FGL1: variants seen among roughly 807,000 people sequenced by gnomAD.
The protein encoded by FGL1 is fibrinogen-like protein 1.
In FGL1, 59 loss-of-function variants were observed where a neutral mutation model predicts 43.7. The ratio of observed to expected loss-of-function variants is 1.35; its 90% CI spans 1.10 to 1.68. The LOEUF is 1.68. FGL1 is among the 40% of genes most tolerant of loss of function. The pLI, the probability that FGL1 is intolerant of heterozygous loss-of-function variation, is 0.00. For synonymous variants in FGL1, 192 were observed against 126.5 expected, an observed-to-expected ratio of 1.52 and a Z score of -3.48; for missense variants, 596 against 373.0, an observed-to-expected ratio of 1.60 and a Z score of -4.92.
chr8:17,871,456 GC>G (rs1168140664), intron 5 of FGL1, among the ~76,000 whole-genome samples: 1 of 143,518 alleles, frequency 7.0e-6, no homozygotes, highest in African/African-American at 2.6e-5. Flanking sequence ...CTGTGCCACT[GC>G]ACTCCAGCTT....
At chr8:17,883,463 A>C (rs1374073968) in intron 2 of FGL1, among the ~76,000 whole-genome samples, 1 of 126,456 alleles carries the variant, frequency 7.9e-6, no homozygotes, top group African/African-American at 3.1e-5. Flanking sequence ...GATATTATAT[A>C]ATATATAAAT....
chr8:17,883,053 A>G (rs1490789818), intron 2 of FGL1, among the ~76,000 whole-genome samples: 1 of 92,482 alleles, frequency 1.1e-5, no homozygotes, highest in Non-Finnish European at 1.7e-5. Context: ...TATATAATAT[A>G]TATCATATGT....
rs34823511 is a variant in FGL1, at chr8:17,894,919, A to G, written c.-18+528T>C. On this transcript the variant is annotated intron_variant, in intron 1 of 7. Transcript: ENST00000427924. The stretch of plus-strand genomic sequence containing the variant: ...TGTATATATTATAGATTATATATAC[A>G]TTATATAAGGTATATAAATATTGCT... Among the ~76,000 whole-genome samples, 5 of 146,364 alleles carry G rather than the reference A, an allele frequency of 3.4e-5. 1 individual carries two copies. The highest frequency in any genetic ancestry group is 1.9e-4 in the East Asian group (1 of 5,150).
Position 17,864,489 on chromosome 8 carries a change from C to T in FGL1, c.*103G>A. The T allele has an allele frequency of 7.8e-7, 1 of 1,286,286 alleles. No homozygotes were observed. The highest frequency in any genetic ancestry group is 2.5e-5 in the East Asian group (1 of 39,958). The allele number at this position is 1,286,286 out of a possible 1,614,324, so 79.7% of individuals were successfully genotyped here. On this transcript the variant is annotated 3_prime_UTR_variant, in exon 8 of 8. Coordinates refer to ENST00000427924, the MANE Select transcript of FGL1 (RefSeq NM_004467.4). ...AGTGAGAAGAATGAAAAGCACTACT[C>T]ACAACAGTTATCATGATTGCGCATG...
chr8:17,877,880 G>C (rs534746483), intron 3 of FGL1, among the ~76,000 whole-genome samples: 6 of 152,146 alleles, frequency 3.9e-5, no homozygotes, highest in Non-Finnish European at 8.8e-5. Context: ...TTGAAAACAA[G>C]GCTATAATAA....
intron 7 of FGL1, among the ~76,000 whole-genome samples, chr8:17,865,691 T>A (rs993833795): frequency 2.6e-5 from 4 of 152,234 alleles, no homozygotes; most frequent in African/African-American, 9.6e-5. Flanking sequence ...GCAATAAGTT[T>A]ATGTGTGTTG....
chr8:17,878,704 T>C (rs948619984), intron 3 of FGL1, among the ~76,000 whole-genome samples: 4 of 152,206 alleles, frequency 2.6e-5, no homozygotes, highest in Non-Finnish European at 5.9e-5. Flanking sequence ...TTGTATGTAA[T>C]TGGGTGTTTT....
chr8:17,868,438 C>T (rs181843066), intron 7 of FGL1, 110 bp downstream of exon 7: 3 of 793,178 alleles, frequency 3.8e-6, no homozygotes, highest in Non-Finnish European at 5.4e-6. Flanking sequence ...CTTAATAATA[C>T]TAATATTATA....
At position 17,864,610 on chromosome 8, in the gene FGL1, A is replaced by G. The variant is rs1372482872; in HGVS notation, c.921T>C (p.Phe307=). The G allele has an allele frequency of 4.4e-6, 7 of 1,607,750 alleles. No homozygotes were observed. Among genetic ancestry groups the G allele is most frequent in the Non-Finnish European group, 5.1e-6 (6 of 1,178,588 alleles). Residue 307 remains phenylalanine, a synonymous_variant, in exon 8 of 8, where the codon TTT becomes TTC. Coordinates refer to ENST00000427924, the MANE Select transcript of FGL1 (RefSeq NM_004467.4). ...GCAGCAATTAAATTACATTTGGAAT[A>G]AAATCATTTGGCCTAATTTTCATAA... ...SVVMKIRPND[F]IPNVI
chr8:17,880,848 G>A (rs1351848571), intron 3 of FGL1, among the ~76,000 whole-genome samples: 1 of 152,198 alleles, frequency 6.6e-6, no homozygotes, highest in Non-Finnish European at 1.5e-5. Flanking sequence ...GTGCAGCAAT[G>A]TGTGTAATGT....
rs1407581635 is a variant in FGL1 at position 17,885,802 on chromosome 8, T to A, written c.-17-231A>T. ...CACAAAAACAGAGGAAGGACTCTGG[T>A]TCTTTTCGCTATCCTAATGTGCTGT... is the stretch of plus-strand genomic sequence containing the variant. On this transcript the variant is annotated intron_variant, in intron 1 of 7. Coordinates refer to ENST00000427924, the MANE Select transcript of FGL1 (RefSeq NM_004467.4). The A allele has an allele frequency of 1.1e-5, 5 of 470,834 alleles. No homozygotes were observed. In the Admixed American group the frequency reaches 1.8e-4, roughly 17 times the overall value. The allele number at this position is 470,834 out of a possible 1,614,324, so 29.2% of individuals were successfully genotyped here.
intron 1 of FGL1, among the ~76,000 whole-genome samples, chr8:17,891,030 G>C (rs1223814385): frequency 6.6e-6 from 1 of 152,100 alleles, no homozygotes; most frequent in Non-Finnish European, 1.5e-5. Flanking sequence ...TTTCTCCTTA[G>C]CACTTATCAC....
chr8:17,882,891 C>A (rs2053562309), intron 2 of FGL1, among the ~76,000 whole-genome samples: 1 of 101,566 alleles, frequency 9.8e-6, no homozygotes, highest in Admixed American at 1.3e-4. Flanking sequence ...TAATATATCT[C>A]ATATATAATA....
In FGL1 at chr8:17,882,088, T is replaced by C. The variant is rs1373665479; in HGVS notation, c.155A>G (p.Lys52Arg). Reference protein sequence around the residue: ...TRVKQQQVKIKQLLQENEVQF... With the variant: ...TRVKQQQVKIRQLLQENEVQF... Reference sequence around the variant, plus strand: ...GACTTCATTCTCCTGCAAAAGCTGCTTGATCTTGACCTGTTGCTGTTTGAC... The same window carrying C: ...GACTTCATTCTCCTGCAAAAGCTGCCTGATCTTGACCTGTTGCTGTTTGAC... The change falls in exon 3 of 8, where the codon AAG (lysine) becomes AGG (arginine). Residue 52 changes from lysine (K) to arginine (R), a missense_variant. Lys to Arg is a conservative substitution (Grantham distance 26). Coordinates refer to ENST00000427924, the MANE Select transcript of FGL1 (RefSeq NM_004467.4). 4 of 1,613,986 alleles carry C rather than the reference T, an allele frequency of 2.5e-6. No individual in the cohort carries two copies. Among genetic ancestry groups the C allele is most frequent in the Admixed American group, 3.3e-5 (2 of 59,992 alleles).
At chr8:17,879,153 C>A (rs2053498727) in intron 3 of FGL1, among the ~76,000 whole-genome samples, 1 of 151,292 alleles carries the variant, frequency 6.6e-6, no homozygotes, top group African/African-American at 2.4e-5. Flanking sequence ...ATCTAGAATT[C>A]CTATCATCTG....
At position 17,894,169 on chromosome 8, in the gene FGL1, C is replaced by A. The variant is rs375649265; in HGVS notation, c.-18+1278G>T. Among the ~76,000 whole-genome samples, 5 of 146,622 alleles carry A rather than the reference C, an allele frequency of 3.4e-5. No homozygotes were observed. The East Asian group carries it at 9.7e-4, about 28-fold the overall frequency. ...TAAAAACAATTACAAAACAGAAGTA[C>A]ATTAGTAGCATGCAAACATTTCAAA... On this transcript the variant is annotated intron_variant, in intron 1 of 7. Coordinates refer to ENST00000427924, the MANE Select transcript of FGL1 (RefSeq NM_004467.4).
Position 17,895,480 on chromosome 8 carries a change from G to C in FGL1, c.-51C>G, listed in dbSNP as rs1380303780. 2.3e-6 allele frequency: 3 copies of C among 1,283,748 alleles called. No individual in the cohort carries two copies. The highest frequency in any genetic ancestry group is 3.0e-6 in the Non-Finnish European group (3 of 983,842). The allele number at this position is 1,283,748 out of a possible 1,614,324, so 79.5% of individuals were successfully genotyped here. On this transcript the variant is annotated 5_prime_UTR_variant, in exon 1 of 8. Coordinates refer to ENST00000427924, the MANE Select transcript of FGL1 (RefSeq NM_004467.4). Reference sequence around the variant, plus strand: ...AGAAGTGAGTCAGAGACCCAGCTCAGGTTCCATCCAGACACTCTGCTTCCC... The same window carrying C: ...AGAAGTGAGTCAGAGACCCAGCTCACGTTCCATCCAGACACTCTGCTTCCC...
chr8:17,869,443 A>G (rs1473574090), intron 5 of FGL1, among the ~76,000 whole-genome samples: 1 of 152,226 alleles, frequency 6.6e-6, no homozygotes, highest in Non-Finnish European at 1.5e-5. Flanking sequence ...TAGCTGAGCC[A>G]CTAGGTTTGT....
intron 1 of FGL1, among the ~76,000 whole-genome samples, chr8:17,887,509 T>G: frequency 6.6e-6 from 1 of 152,190 alleles, no homozygotes. Flanking sequence ...ATTCATATGA[T>G]AGCAATTAGT....
Sources: gnomAD v4.1 joint callset for allele counts (sites outside exome capture counted in the v4.1 genomes callset) on GRCh38, gnomAD v4.1.1 for gene constraint, MANE v1.5 for transcripts, NCBI Gene and HGNC (gene_info 2026-07-23, HGNC 2026-07-21) for gene names.